Variants in PLCB1 observed in about 807,000 individuals in gnomAD.
PLCB1 encodes phospholipase C beta 1.
Under a neutral mutation model 161.8 loss-of-function variants are expected in PLCB1, and 46 were observed. The ratio of observed to expected loss-of-function variants is 0.28; its 90% CI spans 0.22 to 0.36. The LOEUF (loss-of-function observed/expected upper bound fraction) is 0.36. PLCB1 is among the 10% of genes least tolerant of loss of function. The pLI is 1.00. For synonymous variants in PLCB1, 517 were observed against 503.7 expected (o/e 1.03, Z -0.35); for missense variants, 1,016 against 1,472.5 (o/e 0.69, Z 5.07).
intron 3 of PLCB1, among the ~76,000 whole-genome samples, chr20:8,481,589 T>C (rs1982500059): frequency 6.6e-6 from 1 of 152,222 alleles, no homozygotes. Flanking sequence ...AGTTCATTTT[T>C]TGTAAATTTT....
rs773733788 is a variant in PLCB1 at position 8,358,541 on chromosome 20, GAGCCCGGCGT to G, written c.178-12840_178-12831del. On this transcript the variant is annotated intron_variant, in intron 2 of 31. Transcript: ENST00000338037. ...GCTGGGATTACAGGCGTGAGCCACC[GAGCCCGGCGT>G]GTCCTACCCTGCCCCATCTTGCTTC... is the stretch of plus-strand genomic sequence containing the variant. Among the ~76,000 whole-genome samples, 103 of 152,072 alleles carry G rather than the reference GAGCCCGGCGT, an allele frequency of 6.8e-4. 1 individual carries two copies. Among genetic ancestry groups the G allele is most frequent in the Admixed American group, 2.7e-3 (41 of 15,278 alleles).
chr20:8,871,956 G>A (rs1600106718), intron 31 of PLCB1, among the ~76,000 whole-genome samples: 1 of 152,138 alleles, frequency 6.6e-6, no homozygotes, highest in African/African-American at 2.4e-5. Context: ...TTATACATGA[G>A]ACAGTTAAAA....
chr20:8,760,451 G>A lies in PLCB1; in HGVS notation c.2701G>A (p.Val901Ile). 1.2e-6 allele frequency: 2 copies of A among 1,609,714 alleles called. No individual in the cohort carries two copies. Among genetic ancestry groups the A allele is most frequent in the East Asian group, 2.2e-5 (1 of 44,784 alleles). ...CAAAACAGAAGATCTTATTCAGAGTGTCTTAACAGGTAAATGCCACCCTTT... is the reference window on the plus strand; with the variant it reads ...CAAAACAGAAGATCTTATTCAGAGTATCTTAACAGGTAAATGCCACCCTTT... ...PAKTEDLIQS[V>I]LTEVEAQTIE... The change falls in exon 25 of 32, where the codon GTC becomes ATC. Residue 901 changes from valine (V) to isoleucine (I), a missense_variant. This residue lies in a region of PLCB1 where 398 missense variants were observed against 445.4 expected (regional missense o/e 0.89). Coordinates refer to ENST00000338037, the MANE Select transcript of PLCB1 (RefSeq NM_015192.4).
At chr20:8,855,852 C>G (rs970854172) in intron 31 of PLCB1, among the ~76,000 whole-genome samples, 1 of 152,208 alleles carries the variant, frequency 6.6e-6, no homozygotes, top group Admixed American at 6.5e-5. Context: ...TTGGTCTTCT[C>G]AGATGTAAAA....
At chr20:8,493,067 C>T (rs894998470) in intron 3 of PLCB1, among the ~76,000 whole-genome samples, 3 of 152,036 alleles carry the variant, frequency 2.0e-5, no homozygotes, top group Non-Finnish European at 4.4e-5. Context: ...TTGGTGTGGG[C>T]ACCTCTCAAT....
At chr20:8,574,458 A>T (rs947666165) in intron 3 of PLCB1, among the ~76,000 whole-genome samples, 10 of 152,230 alleles carry the variant, frequency 6.6e-5, no homozygotes, top group African/African-American at 1.7e-4. Context: ...ATGGAATTTT[A>T]GTCACAGAAA....
intron 3 of PLCB1, among the ~76,000 whole-genome samples, chr20:8,620,765 AAAAAG>A (rs1321360074): frequency 1.1e-4 from 17 of 149,776 alleles, no homozygotes; most frequent in Non-Finnish European, 2.1e-4. Flanking sequence ...AAAAAAAAAA[AAAAAG>A]AAAAGAAAAG....
intron 2 of PLCB1, among the ~76,000 whole-genome samples, chr20:8,219,445 T>A (rs539033985): frequency 6.6e-6 from 1 of 152,262 alleles, no homozygotes; most frequent in South Asian, 2.1e-4. Flanking sequence ...GCCTGGATAG[T>A]TGTTAGAAGG....
At chr20:8,260,423 T>G (rs555457670) in intron 2 of PLCB1, among the ~76,000 whole-genome samples, 9 of 152,024 alleles carry the variant, frequency 5.9e-5, no homozygotes, top group African/African-American at 1.7e-4. Context: ...AAAGTAAGAC[T>G]GGGAAGCTTG....
At chr20:8,592,523 A>G (rs1447324710) in intron 3 of PLCB1, among the ~76,000 whole-genome samples, 1 of 152,188 alleles carries the variant, frequency 6.6e-6, no homozygotes, top group Non-Finnish European at 1.5e-5. Context: ...TGTTCTGGGC[A>G]ATGCTTACAG....
At chr20:8,566,461 AAAC>A (rs1415995282) in intron 3 of PLCB1, among the ~76,000 whole-genome samples, 7 of 152,150 alleles carry the variant, frequency 4.6e-5, no homozygotes, top group Admixed American at 1.3e-4. Flanking sequence ...GGAATGTAAA[AAAC>A]AACATTTTTT....
chr20:8,198,889 T>A (rs563940554), intron 2 of PLCB1, among the ~76,000 whole-genome samples: 126 of 151,750 alleles, frequency 8.3e-4, no homozygotes, highest in African/African-American at 3.0e-3. Flanking sequence ...CCACAAATGA[T>A]GGAAAGTGTG....
chr20:8,178,497 CT>C (rs1352903684), intron 2 of PLCB1, among the ~76,000 whole-genome samples: 1 of 152,028 alleles, frequency 6.6e-6, no homozygotes, highest in East Asian at 1.9e-4. Flanking sequence ...GGGTTGTTTG[CT>C]TTTTCTTGTT....
At chr20:8,136,550 T>A (rs374806880) in intron 1 of PLCB1, among the ~76,000 whole-genome samples, 55 of 149,648 alleles carry the variant, frequency 3.7e-4, no homozygotes, top group African/African-American at 1.3e-3. Flanking sequence ...GGCGTGAACC[T>A]GGGAGGCGGA....
chr20:8,587,879 T>G (rs938780424), intron 3 of PLCB1, among the ~76,000 whole-genome samples: 6 of 152,144 alleles, frequency 3.9e-5, no homozygotes, highest in Admixed American at 3.3e-4. Flanking sequence ...CTACAGTACA[T>G]AACTGTAAAA....
intron 2 of PLCB1, among the ~76,000 whole-genome samples, chr20:8,176,328 A>C (rs868180494): frequency 6.6e-6 from 1 of 152,332 alleles, no homozygotes; most frequent in South Asian, 2.1e-4. Flanking sequence ...GCAATGAACT[A>C]TTGGTGTACT....
chr20:8,765,383 T>C (rs771811587), intron 26 of PLCB1, 25 bp downstream of exon 26: 96 of 1,518,770 alleles, frequency 6.3e-5, no homozygotes, highest in Non-Finnish European at 8.2e-5. Context: ...TATTTTTAGT[T>C]GGTTTCATAG....
At chr20:8,573,487 T>C (rs1242038840) in intron 3 of PLCB1, among the ~76,000 whole-genome samples, 1 of 152,208 alleles carries the variant, frequency 6.6e-6, no homozygotes, top group African/African-American at 2.4e-5. Context: ...TCTGAACCTA[T>C]TGTAAACTAT....
At chr20:8,205,707 A>G (rs1978490520) in intron 2 of PLCB1, among the ~76,000 whole-genome samples, 1 of 152,168 alleles carries the variant, frequency 6.6e-6, no homozygotes, top group Admixed American at 6.6e-5. Flanking sequence ...TATTTGCAAA[A>G]GAGGGAAACT....
Sources: gnomAD v4.1 joint callset for allele counts (sites outside exome capture counted in the v4.1 genomes callset) on GRCh38, gnomAD v4.1.1 for gene constraint, gnomAD v4.1.1 regional missense constraint, MANE v1.5 for transcripts, NCBI Gene and HGNC (gene_info 2026-07-23, HGNC 2026-07-21) for gene names.